Variants in TRANK1 observed in about 807,000 individuals in gnomAD.
The protein encoded by TRANK1 is TPR and ankyrin repeat-containing protein 1.
In TRANK1, 198 loss-of-function variants were observed where a neutral mutation model predicts 266.0. The observed-to-expected ratio is 0.74, with a 90% CI of 0.66 to 0.84. The LOEUF is 0.84. Ranked by LOEUF, TRANK1 falls within the 40% of genes least tolerant of loss-of-function variation. The pLI is 0.00. For synonymous variants in TRANK1, 1,396 were observed against 1,384.1 expected (o/e 1.01, Z -0.19); for missense variants, 3,326 against 3,634.6 (o/e 0.92, Z 2.18).
At position 36,892,189 on chromosome 3, in the gene TRANK1, G is replaced by A. The variant is rs762476620; in HGVS notation, c.775+13C>T. On this transcript the variant is annotated intron_variant, in intron 7 of 23. Transcript: ENST00000645898. ...GGGCAGCTTGGAGGGTGGAAAACTG[G>A]GAGAAGACTCACTGGCTTGGATACA... 3.3e-6 allele frequency: 5 copies of A among 1,536,222 alleles called. No homozygotes were observed. The South Asian group carries it at 6.0e-5, about 18-fold the overall frequency.
In TRANK1 at chr3:36,879,990, ATGTAAACATG is replaced by A. The variant is rs2079495125; in HGVS notation, c.908-5704_908-5695del. ...CAAATATATGTAAACATGCAAATAT[ATGTAAACATG>A]CAAATATATGTAAACATGCAAATAT... On this transcript the variant is annotated intron_variant, in intron 8 of 23. Transcript: ENST00000645898. Among the ~76,000 whole-genome samples, 5 of 21,518 alleles carry A rather than the reference ATGTAAACATG, an allele frequency of 2.3e-4. 2 individuals carry two copies. The highest frequency in any genetic ancestry group is 3.8e-4 in the Non-Finnish European group (5 of 13,276). The allele number at this position is 21,518 out of a possible 152,430, so 14.1% of individuals were successfully genotyped here. A position where few individuals can be genotyped will look rare whatever the true frequency, so the allele number is the denominator to read the frequency against.
intron 18 of TRANK1, among the ~76,000 whole-genome samples, chr3:36,841,760 C>G (rs2078847281): frequency 6.6e-6 from 1 of 152,124 alleles, no homozygotes; most frequent in Non-Finnish European, 1.5e-5. Context: ...GCCACAGGAG[C>G]CATTAGGCAA....
rs185413149 is a variant in TRANK1 at position 36,928,628 on chromosome 3, G to A, written c.23+16159C>T. Among the ~76,000 whole-genome samples, 3 of 152,192 alleles carry A rather than the reference G, an allele frequency of 2.0e-5. No homozygotes were observed. In the East Asian group the frequency reaches 5.8e-4, roughly 29 times the overall value. On this transcript the variant is annotated intron_variant, in intron 1 of 23. Coordinates refer to ENST00000645898, the MANE Select transcript of TRANK1 (RefSeq NM_001329998.2). ...ATAACTTGTATCTCTGTGACCTGAG[G>A]ATATAGACACAGATTTTCAAAGAAA... is the stretch of plus-strand genomic sequence containing the variant.
At chr3:36,908,224 C>G (rs1173236112) in intron 2 of TRANK1, 99 bp downstream of exon 2, 1 of 1,207,572 alleles carries the variant, frequency 8.3e-7, no homozygotes, top group Non-Finnish European at 1.0e-6. Context: ...ATAAAGAAAA[C>G]AGAAACAGGG....
rs1459252452 is a variant in TRANK1 at position 36,874,284 on chromosome 3, T to A, written c.920A>T (p.Asp307Val). Reference sequence around the variant, plus strand: ...CCCAAAGCGCAGGAGCATCTGCACATCCTCTGTTTGTCCTAGGGCAGGCCA... The same window carrying A: ...CCCAAAGCGCAGGAGCATCTGCACAACCTCTGTTTGTCCTAGGGCAGGCCA... Reference protein sequence around the residue: ...PGYLVKRQTEDVQMLLRFGAD... With the variant: ...PGYLVKRQTEVVQMLLRFGAD... Residue 307 changes from aspartate to valine, a missense_variant, in exon 9 of 24, where the codon GAT becomes GTT. Asp to Val is a radical substitution (Grantham distance 152, BLOSUM62 -3). Transcript: ENST00000645898. 21 of 1,536,944 alleles carry A rather than the reference T, an allele frequency of 1.4e-5. No homozygotes were observed. The highest frequency in any genetic ancestry group is 3.9e-5 in the Admixed American group (2 of 50,954).
intron 1 of TRANK1, among the ~76,000 whole-genome samples, chr3:36,928,529 T>C (rs2080319881): frequency 6.6e-6 from 1 of 152,210 alleles, no homozygotes; most frequent in African/African-American, 2.4e-5. Context: ...GAAGCAGGAC[T>C]CCTGGGAAGT....
chr3:36,938,941 C>T (rs10154998), intron 1 of TRANK1, among the ~76,000 whole-genome samples: 2,807 of 151,066 alleles, frequency 0.019, 99 homozygotes, highest in African/African-American at 0.064. Flanking sequence ...GCCTGGGCAA[C>T]AGAGCGAGAA....
upstream of TRANK1, chr3:36,945,124 T>A (rs905031008): frequency 1.0e-4 from 37 of 364,636 alleles, no homozygotes; most frequent in African/African-American, 7.6e-4. Context: ...GAGGAGGTGT[T>A]TGTCATCGCG....
At chr3:36,874,013 T>A in intron 9 of TRANK1, 113 bp downstream of exon 9, 8 of 834,834 alleles carry the variant, frequency 9.6e-6, no homozygotes, top group Non-Finnish European at 1.3e-5. Context: ...CTCACTTCCA[T>A]ATATATATGT....
At chr3:36,935,946 T>G (rs2080419431) in intron 1 of TRANK1, among the ~76,000 whole-genome samples, 2 of 152,196 alleles carry the variant, frequency 1.3e-5, no homozygotes, top group African/African-American at 4.8e-5. Context: ...TCACTGGTGG[T>G]ATTGGATTTC....
chr3:36,925,211 C>T (rs2080271520), intron 1 of TRANK1, among the ~76,000 whole-genome samples: 1 of 152,134 alleles, frequency 6.6e-6, no homozygotes, highest in Admixed American at 6.5e-5. Flanking sequence ...TTCCAACATC[C>T]TAACCTCTGA....
rs540283484 is a variant in TRANK1, at chr3:36,916,218, G to C, written c.24-7764C>G. On this transcript the variant is annotated intron_variant, in intron 1 of 23. Transcript: ENST00000645898. ...TGCAATACATAGCCACATGTGGCTA[G>C]TGGCTACCGTATTGAACAGTAAAAC... 2.6e-5 allele frequency among the ~76,000 whole-genome samples: 4 copies of C among 152,304 alleles called. No homozygotes were observed. In the East Asian group the frequency reaches 7.7e-4, roughly 29 times the overall value.
At chr3:36,845,125 G>A (rs1019658292) in intron 17 of TRANK1, among the ~76,000 whole-genome samples, 2 of 151,948 alleles carry the variant, frequency 1.3e-5, no homozygotes, top group African/African-American at 2.4e-5. Context: ...ATATCTACTC[G>A]ACAACCCCAT....
At chr3:36,907,526 G>A (rs371110343) in intron 2 of TRANK1, among the ~76,000 whole-genome samples, 1 of 143,302 alleles carries the variant, frequency 7.0e-6, no homozygotes, top group Non-Finnish European at 1.5e-5. Context: ...GTGCAGTGGC[G>A]TAATCTCGGC....
chr3:36,850,858 AC>A, intron 15 of TRANK1: 1 of 985,458 alleles, frequency 1.0e-6, no homozygotes, highest in Non-Finnish European at 1.2e-6. Context: ...AGTGCTCTTG[AC>A]TTGGGTATAA....
chr3:36,901,022 A>G (rs1409495354), intron 3 of TRANK1, among the ~76,000 whole-genome samples: 2 of 151,636 alleles, frequency 1.3e-5, no homozygotes, highest in Non-Finnish European at 2.9e-5. Flanking sequence ...AGAGAGGAGG[A>G]AAAAAAAGTG....
intron 9 of TRANK1, among the ~76,000 whole-genome samples, chr3:36,867,883 C>A (rs1325599786): frequency 1.3e-5 from 2 of 152,242 alleles, no homozygotes; most frequent in African/African-American, 4.8e-5. Flanking sequence ...ACCGGGGACA[C>A]TGTGTGGAGT....
At chr3:36,922,371 C>T (rs185446503) in intron 1 of TRANK1, among the ~76,000 whole-genome samples, 4 of 152,062 alleles carry the variant, frequency 2.6e-5, no homozygotes, top group South Asian at 2.1e-4. Context: ...TTTGGGAGGC[C>T]GAGGTGGGTG....
intron 2 of TRANK1, among the ~76,000 whole-genome samples, chr3:36,905,181 G>C (rs1298698115): frequency 2.0e-5 from 3 of 151,870 alleles, no homozygotes; most frequent in East Asian, 3.9e-4. Flanking sequence ...CCAGCTACTC[G>C]GGAGGCTGAG....
Sources: allele counts gnomAD v4.1 joint callset (sites outside exome capture counted in the v4.1 genomes callset), GRCh38; gene constraint gnomAD v4.1.1; transcripts MANE v1.5; gene names NCBI Gene and HGNC (gene_info 2026-07-23, HGNC 2026-07-21).